The following DOT1L variants were observed in gnomAD, a reference collection of about 807,000 sequenced individuals.
DOT1L encodes the protein DOT1 like histone lysine methyltransferase.
Under a neutral mutation model 153.3 loss-of-function variants are expected in DOT1L, and 33 were observed. The observed-to-expected ratio is 0.22, with a 90% confidence interval of 0.16 to 0.29. DOT1L has a LOEUF of 0.29. Among genes scored for constraint, DOT1L ranks in the 10% least tolerant of loss-of-function variants. The pLI is 1.00. For synonymous variants in DOT1L, 1,135 were observed against 965.1 expected (o/e 1.18, Z -3.26); for missense variants, 1,847 against 2,119.9 (o/e 0.87, Z 2.53).
At chr19:2,216,841 T>G in intron 20 of DOT1L, 76 bp downstream of exon 20, 1 of 1,554,676 alleles carries the variant, frequency 6.4e-7, no homozygotes, top group South Asian at 1.2e-5. Context: ...GCTGTCGGGT[T>G]CTCAGCAGGA....
In DOT1L at chr19:2,232,263, GACTT is replaced by G. The variant is rs1161189697; in HGVS notation, c.*2473_*2476del. The stretch of plus-strand genomic sequence containing the variant: ...CCTCGGCCCATGAGGCACGCACAGT[GACTT>G]ATTTAAGACTTCCCCCTTAATTTAT... On this transcript the variant is annotated 3_prime_UTR_variant, in exon 28 of 28. Coordinates refer to ENST00000398665, the MANE Select transcript of DOT1L (RefSeq NM_032482.3). 1 of 218,204 alleles carries G rather than the reference GACTT, an allele frequency of 4.6e-6. No individual in the cohort carries two copies. Among genetic ancestry groups the G allele is most frequent in the African/African-American group, 2.3e-5 (1 of 44,300 alleles). The allele number at this position is 218,204 out of a possible 1,614,324, so 13.5% of individuals were successfully genotyped here. A position where few individuals can be genotyped will look rare whatever the true frequency, so the allele number is the denominator to read the frequency against.
intron 19 of DOT1L, among the ~76,000 whole-genome samples, chr19:2,214,921 T>G (rs2023842263): frequency 6.6e-6 from 1 of 152,048 alleles, no homozygotes; most frequent in Non-Finnish European, 1.5e-5. Context: ...ATTTGCTCAT[T>G]AGAAAAACAG....
intron 27 of DOT1L, chr19:2,227,844 G>A: frequency 2.3e-6 from 3 of 1,288,296 alleles, no homozygotes; most frequent in Non-Finnish European, 3.0e-6. Context: ...CCCGCTGCAG[G>A]CGGCGGCCAG....
At position 2,230,551 on chromosome 19, in the gene DOT1L, G is replaced by C. The variant is rs1180470692; in HGVS notation, c.*759G>C. 1 of 398,742 alleles carries C rather than the reference G, an allele frequency of 2.5e-6. No individual in the cohort carries two copies. The highest frequency in any genetic ancestry group is 4.4e-6 in the Non-Finnish European group (1 of 226,114). 24.7% of individuals were successfully genotyped at this position (398,742 alleles called of 1,614,324 possible). A position where few individuals can be genotyped will look rare whatever the true frequency, so the allele number is the denominator to read the frequency against. On this transcript the variant is annotated 3_prime_UTR_variant, in exon 28 of 28. Coordinates refer to ENST00000398665, the MANE Select transcript of DOT1L (RefSeq NM_032482.3). The stretch of plus-strand genomic sequence containing the variant: ...GCATTTACTTTTGTATTTCTCGGCT[G>C]TCCATGGCTCGCAGCATGCCCTGCG...
chr19:2,193,379 C>T lies in DOT1L; in HGVS notation c.494-310C>T, dbSNP rs916202470. Among the ~76,000 whole-genome samples the T allele has an allele frequency of 1.3e-5, 2 of 152,210 alleles. No individual in the cohort carries two copies. The highest frequency in any genetic ancestry group is 2.9e-5 in the Non-Finnish European group (2 of 68,040). ...CCAGACCTGCAAAGTCTTGGGCAGC[C>T]CTGTCTGTCTGAACAGTGAACATCA... On this transcript the variant is annotated intron_variant, in intron 5 of 27. Coordinates refer to ENST00000398665, the MANE Select transcript of DOT1L (RefSeq NM_032482.3). This position sits in a 1 kb window ranked among gnomAD's most constrained non-coding sequence, Gnocchi z 5.9.
intron 1 of DOT1L, among the ~76,000 whole-genome samples, chr19:2,171,284 G>A (rs2021603898): frequency 6.6e-6 from 1 of 152,202 alleles, no homozygotes; most frequent in South Asian, 2.1e-4. Context: ...AGAATGCTGT[G>A]GCACTGGCAG....
rs78213793 is a variant in DOT1L at position 2,217,971 on chromosome 19, C to A, written c.2691+53C>A. ...AAGGGCCACGTTGAGGCAAAACAGT[C>A]TGGGGTGCTCGAGACCTGGCTCACT... On this transcript the variant is annotated intron_variant, in intron 22 of 27. Transcript: ENST00000398665. The surrounding 1 kb of genome is among the most constrained non-coding windows in gnomAD (Gnocchi z 7.3). The A allele has an allele frequency of 6.3e-7, 1 of 1,583,936 alleles. No homozygotes were observed. Among genetic ancestry groups the A allele is most frequent in the South Asian group, 1.1e-5 (1 of 88,568 alleles).
chr19:2,193,335 G>C lies in DOT1L; in HGVS notation c.494-354G>C, dbSNP rs574994445. On this transcript the variant is annotated intron_variant, in intron 5 of 27. Transcript: ENST00000398665. This position sits in a 1 kb window ranked among gnomAD's most constrained non-coding sequence, Gnocchi z 5.9. ...TGTGCTGGTGACGTGGGGATAATTT[G>C]AGGTGGACGGCAGCCTTTCCAGACC... is the stretch of plus-strand genomic sequence containing the variant. Among the ~76,000 whole-genome samples the C allele has an allele frequency of 5.9e-5, 9 of 152,230 alleles. No homozygotes were observed. The highest frequency in any genetic ancestry group is 3.3e-4 in the Admixed American group (5 of 15,292).
chr19:2,164,221 G>A lies in DOT1L; in HGVS notation c.37G>A (p.Val13Met), dbSNP rs1187981712. 1.6e-6 allele frequency: 2 copies of A among 1,255,122 alleles called. No individual in the cohort carries two copies. Among genetic ancestry groups the A allele is most frequent in the South Asian group, 3.3e-5 (1 of 30,140 alleles). The allele number at this position is 1,255,122 out of a possible 1,614,324, so 77.7% of individuals were successfully genotyped here. The change falls in exon 1 of 28, where the codon GTG (valine) becomes ATG (methionine). Residue 13 changes from valine to methionine, a missense_variant. This residue lies in a region of DOT1L where 37 missense variants were observed against 31.0 expected (regional missense o/e 1.19). Coordinates refer to ENST00000398665, the MANE Select transcript of DOT1L (RefSeq NM_032482.3). ...EKLELRLKSP[V>M]GAEPAVYPWP... ...GCTGGAGCTGAGACTGAAGTCGCCC[G>A]TGGGGGCTGAGCCCGCCGTCTACCC...
At chr19:2,196,403 G>A (rs1265149992) in intron 7 of DOT1L, among the ~76,000 whole-genome samples, 2 of 152,204 alleles carry the variant, frequency 1.3e-5, no homozygotes, top group Non-Finnish European at 2.9e-5. Flanking sequence ...CGCAATCTTG[G>A]CTCACTGTAG....
At position 2,230,731 on chromosome 19, in the gene DOT1L, G is replaced by A. The variant is rs1425385715; in HGVS notation, c.*939G>A. ...TAGATGGTATAATGCACAGTGAAGAGGAAAGAAAAGCGAGGGGAAAAAACC... is the reference window on the plus strand; with the variant it reads ...TAGATGGTATAATGCACAGTGAAGAAGAAAGAAAAGCGAGGGGAAAAAACC... On this transcript the variant is annotated 3_prime_UTR_variant, in exon 28 of 28. Transcript: ENST00000398665. 1 of 397,688 alleles carries A rather than the reference G, an allele frequency of 2.5e-6. No individual in the cohort carries two copies. Among genetic ancestry groups the A allele is most frequent in the Non-Finnish European group, 4.4e-6 (1 of 225,994 alleles). The allele number at this position is 397,688 out of a possible 1,614,324, so 24.6% of individuals were successfully genotyped here.
chr19:2,210,784 A>G lies in DOT1L; in HGVS notation c.1280A>G (p.Lys427Arg), dbSNP rs997837361. 2 of 1,612,866 alleles carry G rather than the reference A, an allele frequency of 1.2e-6. No individual in the cohort carries two copies. The highest frequency in any genetic ancestry group is 2.2e-5 in the East Asian group (1 of 44,864). The change falls in exon 14 of 28, where the codon AAG becomes AGG. Residue 427 changes from lysine to arginine, a missense_variant. By Grantham distance (26) the Lys-to-Arg change is conservative. Coordinates refer to ENST00000398665, the MANE Select transcript of DOT1L (RefSeq NM_032482.3). ...ACTGCGAACCCCGAGCGGAAGCCCA[A>G]GAAGAACCAAACTGCACTGGATGCC... is the stretch of plus-strand genomic sequence containing the variant. ...MNTANPERKP[K>R]KNQTALDALH...
At position 2,211,794 on chromosome 19, in the gene DOT1L, G is replaced by A. The variant is rs1424165809; in HGVS notation, c.1509G>A (p.Lys503=). 1 of 1,574,608 alleles carries A rather than the reference G, an allele frequency of 6.4e-7. No homozygotes were observed. The highest frequency in any genetic ancestry group is 1.2e-5 in the South Asian group (1 of 85,820). The part of the protein sequence containing the change: ...IQYLQFLAYT[K]TPQYKASLQE... ...ACCTGCAGTTCCTGGCATACACAAA[G>A]ACCCCCCAGTACAAGGCCAGCCTGC... The change falls in exon 16 of 28, where the codon AAG becomes AAA. Residue 503 remains lysine (K), a synonymous_variant. Coordinates refer to ENST00000398665, the MANE Select transcript of DOT1L (RefSeq NM_032482.3).
chr19:2,228,021 C>G, intron 27 of DOT1L: 4 of 1,299,192 alleles, frequency 3.1e-6, no homozygotes, highest in Non-Finnish European at 4.0e-6. Flanking sequence ...CTTGCCTCCT[C>G]CCCCAACGCT....
intron 1 of DOT1L, among the ~76,000 whole-genome samples, chr19:2,179,949 C>G (rs767776047): frequency 6.6e-6 from 1 of 152,026 alleles, no homozygotes; most frequent in South Asian, 2.1e-4. Flanking sequence ...GTCCTGGTGG[C>G]GTGCACTTGG....
chr19:2,216,139 T>C, intron 19 of DOT1L, 142 bp from the exon 20 acceptor site: 1 of 1,265,750 alleles, frequency 7.9e-7, no homozygotes. Flanking sequence ...CCCGCCTCTA[T>C]GTGGTCGGCA....
rs2022738846 is a variant in DOT1L, at chr19:2,190,363, C to T, written c.264+568C>T. 6.6e-6 allele frequency among the ~76,000 whole-genome samples: 1 copy of T among 152,090 alleles called. No homozygotes were observed. The highest frequency in any genetic ancestry group is 2.4e-5 in the African/African-American group (1 of 41,400). ...GTGCATGGGGGTAGGGGAGCTCTTT[C>T]TTGAAGGTCTTGCTGTGGAGGGAGC... On this transcript the variant is annotated intron_variant, in intron 4 of 27. Transcript: ENST00000398665. The surrounding 1 kb of genome is among the most constrained non-coding windows in gnomAD (Gnocchi z 4.8).
rs367661463 is a variant in DOT1L at position 2,164,274 on chromosome 19, C to G, written c.81+9C>G. ...GGCCGCTGCCGGTCTACGTGAGTGC[C>G]GCCCTCCACCGTCCCTACCTCCCGG... On this transcript the variant is annotated intron_variant, in intron 1 of 27. Transcript: ENST00000398665. The G allele has an allele frequency of 2.6e-4, 332 of 1,261,432 alleles. 2 individuals are homozygous for G. In the African/African-American group the frequency reaches 4.6e-3, roughly 18 times the overall value. The allele number at this position is 1,261,432 out of a possible 1,614,324, so 78.1% of individuals were successfully genotyped here.
At position 2,207,245 on chromosome 19, in the gene DOT1L, AC is replaced by A. The variant is rs2023534342; in HGVS notation, c.857-326del. Among the ~76,000 whole-genome samples, 1 of 152,142 alleles carries A rather than the reference AC, an allele frequency of 6.6e-6. No individual in the cohort carries two copies. The highest frequency in any genetic ancestry group is 2.1e-4 in the South Asian group (1 of 4,826). ...TGAGGGGCTTCCCTGAGGAGCGCCC[AC>A]CCGGGAGGTGCCTGTGTTGCTGGAT... On this transcript the variant is annotated intron_variant, in intron 10 of 27. Coordinates refer to ENST00000398665, the MANE Select transcript of DOT1L (RefSeq NM_032482.3). The surrounding 1 kb of genome is among the most constrained non-coding windows in gnomAD (Gnocchi z 4.5).
Sources: allele counts gnomAD v4.1 joint callset (sites outside exome capture counted in the v4.1 genomes callset), GRCh38; gene constraint gnomAD v4.1.1; regional missense constraint gnomAD v4.1.1; non-coding constraint Gnocchi (gnomAD v3.1); transcripts MANE v1.5; gene names NCBI Gene and HGNC (gene_info 2026-07-23, HGNC 2026-07-21).